NKX3-2: variants seen among roughly 807,000 people sequenced by gnomAD.
The protein encoded by NKX3-2 is homeobox protein Nkx-3.2.
NKX3-2 carries 13 observed loss-of-function variants against 19.4 expected under a neutral mutation model. The ratio of observed to expected loss-of-function variants is 0.67; its 90% CI spans 0.44 to 1.07. The LOEUF is 1.07. Ranked by LOEUF, NKX3-2 falls within the 50% of genes least tolerant of loss-of-function variation. The pLI is 0.00. For synonymous variants in NKX3-2, 269 were observed against 230.5 expected (o/e 1.17, Z -1.51); for missense variants, 562 against 488.2 (o/e 1.15, Z -1.42).
Position 13,544,242 on chromosome 4 carries a change from C to A in NKX3-2, c.173G>T (p.Arg58Met). The change falls in exon 1 of 2, where the codon AGG becomes ATG. Residue 58 changes from arginine to methionine, a missense_variant. Coordinates refer to ENST00000382438, the MANE Select transcript of NKX3-2 (RefSeq NM_001189.4). ...AVCCWRLFGE[R>M]DAGALGGAED... ...GGCGCCCCCCAACGCGCCCGCGTCC[C>A]TCTCCCCAAAGAGCCGCCAACAGCA... The A allele has an allele frequency of 6.9e-6, 11 of 1,585,970 alleles. No homozygotes were observed. Among genetic ancestry groups the A allele is most frequent in the Non-Finnish European group, 9.4e-6 (11 of 1,174,170 alleles).
At position 13,542,825 on chromosome 4, in the gene NKX3-2, G is replaced by T. The variant is rs546881832; in HGVS notation, c.467-297C>A. 6.6e-6 allele frequency among the ~76,000 whole-genome samples: 1 copy of T among 151,994 alleles called. No homozygotes were observed. Among genetic ancestry groups the T allele is most frequent in the Non-Finnish European group, 1.5e-5 (1 of 68,010 alleles). ...GGCCCCAGGCTCCCCTCAGTAACTTGGGGCACTCGACCCGAGCATCCGCGA... is the reference window on the plus strand; with the variant it reads ...GGCCCCAGGCTCCCCTCAGTAACTTTGGGCACTCGACCCGAGCATCCGCGA... On this transcript the variant is annotated intron_variant, in intron 1 of 1. Coordinates refer to ENST00000382438, the MANE Select transcript of NKX3-2 (RefSeq NM_001189.4). This position sits in a 1 kb window ranked among gnomAD's most constrained non-coding sequence, Gnocchi z 6.4.
At chr4:13,547,313 C>T (rs945983084), upstream of NKX3-2, 72 of 448,290 alleles carry the variant, frequency 1.6e-4, 2 homozygotes, top group Admixed American at 1.7e-3. Context: ...CCGCTTCCTG[C>T]CCATCGAGGG....
chr4:13,547,257 C>T (rs1466227639), upstream of NKX3-2: 1 of 456,194 alleles, frequency 2.2e-6, no homozygotes, highest in Non-Finnish European at 4.4e-6. Flanking sequence ...CTGCGCCTGT[C>T]GGAGGACGGC....
At chr4:13,547,347 G>C, upstream of NKX3-2, 2 of 422,124 alleles carry the variant, frequency 4.7e-6, no homozygotes, top group Non-Finnish European at 9.6e-6. Flanking sequence ...GCTCAGCTGT[G>C]AGCTCCAGGA....
rs1577283260 is a variant in NKX3-2, at chr4:13,541,694, T to A, written c.*299A>T. 1.1e-5 allele frequency: 4 copies of A among 365,666 alleles called. No homozygotes were observed. In the East Asian group the frequency reaches 1.8e-4, roughly 16 times the overall value. 22.7% of individuals were successfully genotyped at this position (365,666 alleles called of 1,614,324 possible). On this transcript the variant is annotated 3_prime_UTR_variant, in exon 2 of 2. Transcript: ENST00000382438. ...CCACCCCCAGGCAGACATATTCGAATCAAAATTTAATTCCAACATTGTCAT... is the reference window on the plus strand; with the variant it reads ...CCACCCCCAGGCAGACATATTCGAAACAAAATTTAATTCCAACATTGTCAT...
upstream of NKX3-2, chr4:13,544,872 C>T (rs961501883): frequency 1.3e-5 from 2 of 152,302 alleles, no homozygotes; most frequent in African/African-American, 4.8e-5. Flanking sequence ...CCTGGCCCGT[C>T]CTCCCCTTCC....
At chr4:13,547,008 C>A, upstream of NKX3-2, 1 of 456,322 alleles carries the variant, frequency 2.2e-6, no homozygotes, top group South Asian at 1.5e-5. Context: ...CGGGCCATTA[C>A]GGCGCTTAGT....
chr4:13,543,726 G>C lies in NKX3-2; in HGVS notation c.466+223C>G, dbSNP rs2109005303. 6.6e-6 allele frequency among the ~76,000 whole-genome samples: 1 copy of C among 152,328 alleles called. No individual in the cohort carries two copies. Among genetic ancestry groups the C allele is most frequent in the Middle Eastern group, 3.4e-3 (1 of 294 alleles). Reference sequence around the variant, plus strand: ...TGCACATTGGCCCAGGATGTCTCAGGCCTCACCCCAGGACGTAGGGCTCTG... The same window carrying C: ...TGCACATTGGCCCAGGATGTCTCAGCCCTCACCCCAGGACGTAGGGCTCTG... On this transcript the variant is annotated intron_variant, in intron 1 of 1. Transcript: ENST00000382438. This position sits in a 1 kb window ranked among gnomAD's most constrained non-coding sequence, Gnocchi z 7.1.
At chr4:13,545,674 C>T (rs78162549), upstream of NKX3-2, among the ~76,000 whole-genome samples, 14 of 151,946 alleles carry the variant, frequency 9.2e-5, no homozygotes, top group East Asian at 2.1e-3. Context: ...ATTTTATGGT[C>T]GTTTCCCTGG....
In NKX3-2 at chr4:13,542,645, A is replaced by T; in HGVS notation, c.467-117T>A. 3 of 1,368,772 alleles carry T rather than the reference A, an allele frequency of 2.2e-6. No individual in the cohort carries two copies. The South Asian group carries it at 3.6e-5, about 16-fold the overall frequency. 84.8% of individuals were successfully genotyped at this position (1,368,772 alleles called of 1,614,324 possible). A position where few individuals can be genotyped will look rare whatever the true frequency, so the allele number is the denominator to read the frequency against. ...GCGGAAATACACTTTGATCCCACTCAAGCGGAGCGGAGGTCTGGGAGGCCC... is the reference window on the plus strand; with the variant it reads ...GCGGAAATACACTTTGATCCCACTCTAGCGGAGCGGAGGTCTGGGAGGCCC... On this transcript the variant is annotated intron_variant, in intron 1 of 1. Coordinates refer to ENST00000382438, the MANE Select transcript of NKX3-2 (RefSeq NM_001189.4). The surrounding 1 kb of genome is among the most constrained non-coding windows in gnomAD (Gnocchi z 6.4).
chr4:13,547,067 C>T (rs757056326), upstream of NKX3-2: 8 of 456,128 alleles, frequency 1.8e-5, no homozygotes, highest in South Asian at 7.7e-5. Flanking sequence ...GAGTTGGGTG[C>T]TTGGCGCGGA....
upstream of NKX3-2, chr4:13,545,148 T>A: frequency 6.6e-6 from 1 of 152,450 alleles, no homozygotes; most frequent in South Asian, 2.1e-4. Flanking sequence ...CTGGCTCCAG[T>A]TGGGCGACGT....
chr4:13,546,358 T>G (rs1043379711), upstream of NKX3-2: 1 of 157,080 alleles, frequency 6.4e-6, no homozygotes, highest in African/African-American at 2.4e-5. Flanking sequence ...CCTTTACAGC[T>G]CTTTACAATT....
chr4:13,544,181 T>C lies in NKX3-2; in HGVS notation c.234A>G (p.Arg78=). 6.2e-7 allele frequency: 1 copy of C among 1,603,860 alleles called. No individual in the cohort carries two copies. Among genetic ancestry groups the C allele is most frequent in the African/African-American group, 1.3e-5 (1 of 74,568 alleles). The part of the protein sequence containing the change: ...DSLLASPAGT[R]TAAGRTAESP... ...TCTCCGCAGTCCGCCCCGCAGCTGT[T>C]CTGGTACCGGCAGGAGACGCCAGCA... Residue 78 remains arginine, a synonymous_variant, in exon 1 of 2, where the codon AGA becomes AGG. Transcript: ENST00000382438.
Position 13,543,940 on chromosome 4 carries a change from G to T in NKX3-2, c.466+9C>A. ...GCCCGGCCCCCATCCCCGCGAAGCC[G>T]CAGCAGACCTGAGACGCTGGCGGAC... On this transcript the variant is annotated intron_variant, in intron 1 of 1. Coordinates refer to ENST00000382438, the MANE Select transcript of NKX3-2 (RefSeq NM_001189.4). The surrounding 1 kb of genome is among the most constrained non-coding windows in gnomAD (Gnocchi z 7.1). The T allele has an allele frequency of 6.5e-7, 1 of 1,536,828 alleles. No homozygotes were observed. Among genetic ancestry groups the T allele is most frequent in the East Asian group, 2.6e-5 (1 of 39,178 alleles).
chr4:13,545,803 G>A (rs1718120755), upstream of NKX3-2, among the ~76,000 whole-genome samples: 1 of 152,000 alleles, frequency 6.6e-6, no homozygotes, highest in African/African-American at 2.4e-5. Flanking sequence ...ATTATAAATA[G>A]ATATGTTTGT....
upstream of NKX3-2, chr4:13,544,586 C>T (rs1039978913): frequency 1.1e-5 from 4 of 352,890 alleles, no homozygotes; most frequent in Non-Finnish European, 2.0e-5. Context: ...CCAGGATCAG[C>T]GCCGACCCTC....
In NKX3-2 at chr4:13,544,307, G is replaced by C. The variant is rs200291862; in HGVS notation, c.108C>G (p.Pro36=). The C allele has an allele frequency of 3.4e-5, 52 of 1,530,174 alleles. No individual in the cohort carries two copies. In the African/African-American group the frequency reaches 5.5e-4, roughly 16 times the overall value. The allele number at this position is 1,530,174 out of a possible 1,614,324, so 94.8% of individuals were successfully genotyped here. A position where few individuals can be genotyped will look rare whatever the true frequency, so the allele number is the denominator to read the frequency against. Residue 36 remains proline (P), a synonymous_variant, in exon 1 of 2, where the codon CCC becomes CCG. Transcript: ENST00000382438. Reference sequence around the variant, plus strand: ...CGGCCACCGATGCCGCTGTGCCCCCGGGCGCCGGGCGCCCCTCTGGCGCGG... The same window carrying C: ...CGGCCACCGATGCCGCTGTGCCCCCCGGCGCCGGGCGCCCCTCTGGCGCGG... ...GLAAPEGRPA[P]GGTAASVAAA... is the part of the protein sequence containing the mutation.
In NKX3-2 at chr4:13,541,773, G is replaced by A. The variant is rs1717989691; in HGVS notation, c.*220C>T. On this transcript the variant is annotated 3_prime_UTR_variant, in exon 2 of 2. Coordinates refer to ENST00000382438, the MANE Select transcript of NKX3-2 (RefSeq NM_001189.4). ...GGCAGGTGGGCGATCAGGGCCCCTA[G>A]GCCATAGGGTGCCTCTGTTCAAATT... 1 of 582,600 alleles carries A rather than the reference G, an allele frequency of 1.7e-6. No individual in the cohort carries two copies. The highest frequency in any genetic ancestry group is 1.9e-5 in the African/African-American group (1 of 53,078). The allele number at this position is 582,600 out of a possible 1,614,324, so 36.1% of individuals were successfully genotyped here. A position where few individuals can be genotyped will look rare whatever the true frequency, so the allele number is the denominator to read the frequency against.
Sources: gnomAD v4.1 joint callset for allele counts (sites outside exome capture counted in the v4.1 genomes callset) on GRCh38, gnomAD v4.1.1 for gene constraint, Gnocchi (gnomAD v3.1) non-coding constraint, MANE v1.5 for transcripts, NCBI Gene and HGNC (gene_info 2026-07-23, HGNC 2026-07-21) for gene names.